Variants in CCDC102B observed in about 807,000 individuals in gnomAD.
The protein encoded by CCDC102B is coiled-coil domain containing 102B.
A neutral mutation model predicts 57.4 loss-of-function variants in CCDC102B; 75 were observed. The ratio of observed to expected loss-of-function variants is 1.31; its 90% CI spans 1.08 to 1.58. The LOEUF is 1.58. Among genes scored for constraint, CCDC102B ranks in the 40% most tolerant of loss-of-function variants. The pLI is 0.00. For missense variants in CCDC102B, 636 were observed against 582.6 expected (o/e 1.09, Z -0.94); for synonymous variants, 206 against 201.9 (o/e 1.02, Z -0.17).
At chr18:68,939,731 A>G (rs2049330243) in intron 6 of CCDC102B, among the ~76,000 whole-genome samples, 1 of 151,810 alleles carries the variant, frequency 6.6e-6, no homozygotes, top group East Asian at 1.9e-4. Flanking sequence ...TTTAAGTAAG[A>G]TGTCTCCTCA....
chr18:69,003,543 A>G (rs1044292638), intron 6 of CCDC102B, among the ~76,000 whole-genome samples: 4 of 152,190 alleles, frequency 2.6e-5, no homozygotes, highest in African/African-American at 9.6e-5. Flanking sequence ...AAAGGGGAAA[A>G]GATCCCCATC....
At chr18:68,999,207 C>A (rs918607558) in intron 6 of CCDC102B, among the ~76,000 whole-genome samples, 1 of 151,736 alleles carries the variant, frequency 6.6e-6, no homozygotes, top group Non-Finnish European at 1.5e-5. Context: ...AAAGAAACTG[C>A]AGAAAGCTAT....
At chr18:68,799,732 A>G (rs760425949) in intron 1 of CCDC102B, among the ~76,000 whole-genome samples, 1 of 152,228 alleles carries the variant, frequency 6.6e-6, no homozygotes, top group Non-Finnish European at 1.5e-5. Context: ...GGAATACTCT[A>G]CTTTGAAGAA....
intron 6 of CCDC102B, among the ~76,000 whole-genome samples, chr18:68,911,479 G>A (rs57528470): frequency 0.024 from 3,615 of 150,896 alleles, 165 homozygotes; most frequent in African/African-American, 0.082. Flanking sequence ...AAGGCCGGGC[G>A]CGGTGGCTCA....
intron 6 of CCDC102B, among the ~76,000 whole-genome samples, chr18:68,940,089 G>T (rs1391125887): frequency 1.3e-5 from 2 of 151,500 alleles, no homozygotes; most frequent in African/African-American, 4.8e-5. Context: ...TATTTCTGGA[G>T]ATTAGGGCAA....
chr18:68,950,288 A>G (rs2049659526), intron 6 of CCDC102B, among the ~76,000 whole-genome samples: 1 of 152,174 alleles, frequency 6.6e-6, no homozygotes, highest in African/African-American at 2.4e-5. Flanking sequence ...TGTAGACAGT[A>G]GTATATTTCA....
In CCDC102B at chr18:68,770,800, G is replaced by A. The variant is rs687151; in HGVS notation, c.-66-52566G>A. 3.6e-3 allele frequency among the ~76,000 whole-genome samples: 553 copies of A among 152,326 alleles called. 2 individuals carry two copies. The highest frequency in any genetic ancestry group is 0.013 in the African/African-American group (523 of 41,578). ...AAATCTCAAAGTTGTAATATATCTT[G>A]ATGCATAAGAGCCAGGCTTTGTAGA... On this transcript the variant is annotated intron_variant, in intron 2 of 3. Transcript: ENST00000578970.
At chr18:68,716,291 T>C (rs1270315128) in intron 1 of CCDC102B, among the ~76,000 whole-genome samples, 1 of 49,336 alleles carries the variant, frequency 2.0e-5, no homozygotes, top group Non-Finnish European at 4.7e-5. Flanking sequence ...CATATTCAAT[T>C]TTTTTTTTTC....
At chr18:69,046,850 A>C (rs1191337683) in intron 7 of CCDC102B, among the ~76,000 whole-genome samples, 1 of 152,008 alleles carries the variant, frequency 6.6e-6, no homozygotes. Context: ...TATTCAATAG[A>C]GAGTCCTTTT....
chr18:68,790,203 G>C (rs1231539089), intron 2 of CCDC102B, among the ~76,000 whole-genome samples: 1 of 151,352 alleles, frequency 6.6e-6, no homozygotes, highest in Non-Finnish European at 1.5e-5. Flanking sequence ...ATCTCCAGCT[G>C]TGTGCTGGGA....
intron 6 of CCDC102B, among the ~76,000 whole-genome samples, chr18:68,965,409 A>G (rs1185573206): frequency 1.3e-5 from 2 of 150,726 alleles, no homozygotes; most frequent in African/African-American, 2.4e-5. Flanking sequence ...TTCATTCTTT[A>G]TAACTTTTAC....
intron 6 of CCDC102B, among the ~76,000 whole-genome samples, chr18:69,009,618 A>G (rs2051446739): frequency 6.6e-6 from 1 of 152,126 alleles, no homozygotes; most frequent in South Asian, 2.1e-4. Context: ...TGACTAAAAG[A>G]AAAACACCAC....
chr18:68,731,842 A>C (rs2032880282), intron 2 of CCDC102B, among the ~76,000 whole-genome samples: 1 of 147,828 alleles, frequency 6.8e-6, no homozygotes, highest in South Asian at 2.2e-4. Context: ...CACCATTTCT[A>C]CTTCAGTAAA....
At chr18:69,046,357 G>A (rs2052567070) in intron 7 of CCDC102B, among the ~76,000 whole-genome samples, 1 of 152,076 alleles carries the variant, frequency 6.6e-6, no homozygotes, top group African/African-American at 2.4e-5. Context: ...ATTAGGCTGA[G>A]CATTTTATAA....
intron 2 of CCDC102B, among the ~76,000 whole-genome samples, chr18:68,736,708 C>G (rs1715857978): frequency 6.6e-6 from 1 of 151,910 alleles, no homozygotes; most frequent in Admixed American, 6.6e-5. Flanking sequence ...TGTGATAAAC[C>G]CATCAGATCT....
At chr18:68,983,867 G>C (rs1282329401) in intron 6 of CCDC102B, among the ~76,000 whole-genome samples, 1 of 151,826 alleles carries the variant, frequency 6.6e-6, no homozygotes, top group Non-Finnish European at 1.5e-5. Flanking sequence ...GGAATGATCA[G>C]AGCTGCATGT....
At chr18:68,750,586 T>C (rs1188770544) in intron 2 of CCDC102B, among the ~76,000 whole-genome samples, 3 of 152,070 alleles carry the variant, frequency 2.0e-5, no homozygotes, top group Non-Finnish European at 4.4e-5. Context: ...TAAGAAAATG[T>C]GGCACATATA....
At chr18:68,756,165 A>G (rs2034041678) in intron 2 of CCDC102B, among the ~76,000 whole-genome samples, 1 of 151,834 alleles carries the variant, frequency 6.6e-6, no homozygotes, top group Non-Finnish European at 1.5e-5. Context: ...ATTTCAGGCA[A>G]AGAAATAAGA....
chr18:69,022,223 A>ATATATATAT (rs1160074383), intron 7 of CCDC102B, among the ~76,000 whole-genome samples: 6 of 100,570 alleles, frequency 6.0e-5, no homozygotes, highest in African/African-American at 2.6e-4. Flanking sequence ...ATATATATAT[A>ATATATATAT]ACACACACAC....
Sources: gnomAD v4.1 joint callset for allele counts (sites outside exome capture counted in the v4.1 genomes callset) on GRCh38, gnomAD v4.1.1 for gene constraint, MANE v1.5 for transcripts, NCBI Gene and HGNC (gene_info 2026-07-23, HGNC 2026-07-21) for gene names.